The following HOATZ variants were observed in gnomAD, a reference collection of about 807,000 sequenced individuals.
HOATZ encodes the protein HOATZ cilia and flagella associated protein.
HOATZ carries 26 observed loss-of-function variants against 24.9 expected under a neutral mutation model. The observed-to-expected ratio is 1.04, with a 90% CI of 0.76 to 1.45. The LOEUF is 1.45. Among genes scored for constraint, HOATZ ranks in the 40% most tolerant of loss-of-function variants. HOATZ has a pLI of 0.00. For synonymous variants in HOATZ, 83 were observed against 76.6 expected (o/e 1.08, Z -0.43); for missense variants, 226 against 201.5 (o/e 1.12, Z -0.74).
At position 111,517,088 on chromosome 11, in the gene HOATZ, G is replaced by T. The variant is rs117112808; in HGVS notation, c.339+978G>T. On this transcript the variant is annotated intron_variant, in intron 3 of 5. Coordinates refer to ENST00000375618, the MANE Select transcript of HOATZ (RefSeq NM_001100388.2). ...ATTGGCAAACTCTGACAGACTTATC[G>T]GGAATTCTACATAAATTACAAAACA... Among the ~76,000 whole-genome samples, 38 of 152,250 alleles carry T rather than the reference G, an allele frequency of 2.5e-4. 1 individual carries two copies. The East Asian group carries it at 7.1e-3, about 29-fold the overall frequency.
intron 3 of HOATZ, chr11:111,524,795 A>T: frequency 2.5e-6 from 1 of 397,096 alleles, no homozygotes; most frequent in Non-Finnish European, 4.9e-6. Context: ...CAATTTACAA[A>T]CAGTTGATTT....
At chr11:111,517,811 C>G (rs543598194) in intron 3 of HOATZ, among the ~76,000 whole-genome samples, 1 of 152,292 alleles carries the variant, frequency 6.6e-6, no homozygotes, top group Admixed American at 6.5e-5. Flanking sequence ...AAAGAATATG[C>G]AAAGCAATCC....
intron 3 of HOATZ, among the ~76,000 whole-genome samples, chr11:111,525,449 T>C (rs1025653890): frequency 1.3e-5 from 2 of 152,180 alleles, no homozygotes; most frequent in Non-Finnish European, 2.9e-5. Flanking sequence ...AGTCTGTATG[T>C]GTGAGGTTGG....
intron 4 of HOATZ, 45 bp from the exon 5 acceptor site, chr11:111,534,367 G>A: frequency 7.1e-7 from 1 of 1,407,140 alleles, no homozygotes. Flanking sequence ...ATCAGTGCAA[G>A]AAGTAAAATT....
chr11:111,527,677 T>A (rs144713863), intron 3 of HOATZ, among the ~76,000 whole-genome samples: 1 of 152,348 alleles, frequency 6.6e-6, no homozygotes, highest in Non-Finnish European at 1.5e-5. Flanking sequence ...TTAGAGTAGA[T>A]ATAAATTTCC....
intron 3 of HOATZ, chr11:111,519,267 C>T: frequency 5.2e-6 from 1 of 192,674 alleles, no homozygotes; most frequent in Non-Finnish European, 1.1e-5. Flanking sequence ...ATTTGCTTAA[C>T]CTAGTGCCTT....
intron 4 of HOATZ, 135 bp downstream of exon 4, chr11:111,533,940 C>A: frequency 1.8e-6 from 1 of 560,096 alleles, no homozygotes; most frequent in Non-Finnish European, 3.0e-6. Context: ...CAGAGTGGGG[C>A]AAGGTATAGA....
chr11:111,516,804 A>G (rs1213517986), intron 3 of HOATZ, among the ~76,000 whole-genome samples: 1 of 152,246 alleles, frequency 6.6e-6, no homozygotes, highest in Non-Finnish European at 1.5e-5. Flanking sequence ...TGAGTCTGTC[A>G]TCTAGACCTG....
chr11:111,521,506 A>G (rs1405811083), intron 3 of HOATZ, among the ~76,000 whole-genome samples: 1 of 152,184 alleles, frequency 6.6e-6, no homozygotes, highest in Non-Finnish European at 1.5e-5. Flanking sequence ...AAAATTTCCC[A>G]GTAAGTGTTA....
chr11:111,515,544 C>T lies in HOATZ; in HGVS notation c.260C>T (p.Ala87Val), dbSNP rs529187598. ...NSHSSQSFHL[A>V]SNKNRDIFAE... ...CACTCCTCGCAGTCTTTTCACCTTG[C>T]GAGTAACAGTAAGTACCAAGTTTTA... is the stretch of plus-strand genomic sequence containing the variant. The change falls in exon 2 of 6, where the codon GCG (alanine) becomes GTG (valine). Residue 87 changes from alanine (A) to valine (V), a missense_variant. Coordinates refer to ENST00000375618, the MANE Select transcript of HOATZ (RefSeq NM_001100388.2). The T allele has an allele frequency of 2.4e-5, 38 of 1,612,750 alleles. No individual in the cohort carries two copies. The highest frequency in any genetic ancestry group is 2.7e-5 in the Non-Finnish European group (32 of 1,178,852).
intron 3 of HOATZ, chr11:111,524,766 C>A: frequency 5.3e-6 from 2 of 376,058 alleles, no homozygotes; most frequent in South Asian, 4.1e-5. Context: ...TTGGCCAGGT[C>A]AAAAAAATAT....
chr11:111,529,425 G>A (rs1867372453), intron 3 of HOATZ, among the ~76,000 whole-genome samples: 1 of 152,016 alleles, frequency 6.6e-6, no homozygotes, highest in South Asian at 2.1e-4. Context: ...GTGCAGTGGT[G>A]CAATCTCGGC....
intron 3 of HOATZ, among the ~76,000 whole-genome samples, chr11:111,528,073 T>C (rs1010776634): frequency 6.6e-6 from 1 of 152,040 alleles, no homozygotes; most frequent in African/African-American, 2.4e-5. Flanking sequence ...ATCCCAGCAC[T>C]TCAGGAGGCT....
At chr11:111,516,594 G>A (rs1414980344) in intron 3 of HOATZ, among the ~76,000 whole-genome samples, 4 of 151,978 alleles carry the variant, frequency 2.6e-5, no homozygotes, top group Admixed American at 6.6e-5. Flanking sequence ...GTGCATACCT[G>A]TAGTCTGAGC....
chr11:111,535,445 A>G (rs1484409058), intron 5 of HOATZ: 1 of 152,226 alleles, frequency 6.6e-6, no homozygotes, highest in African/African-American at 2.4e-5. Flanking sequence ...TGGGTGCCTT[A>G]GATTTCCGCA....
intron 3 of HOATZ, among the ~76,000 whole-genome samples, chr11:111,520,973 AAC>A (rs1418932493): frequency 2.6e-5 from 4 of 152,234 alleles, no homozygotes; most frequent in African/African-American, 9.6e-5. Context: ...TATAAGGGAA[AAC>A]ACAGTATATC....
chr11:111,522,776 T>C (rs568769136), intron 3 of HOATZ, among the ~76,000 whole-genome samples: 5 of 151,998 alleles, frequency 3.3e-5, no homozygotes, highest in African/African-American at 1.2e-4. Context: ...CCAAAATCAA[T>C]ATCCGTAGCA....
chr11:111,515,932 C>A, intron 2 of HOATZ, 108 bp from the exon 3 acceptor site: 2 of 708,258 alleles, frequency 2.8e-6, no homozygotes, highest in Non-Finnish European at 4.6e-6. Flanking sequence ...TTTTGTTTAC[C>A]TTCCTACTCT....
intron 5 of HOATZ, 32 bp from the exon 6 acceptor site, chr11:111,536,738 G>GT: frequency 6.4e-7 from 1 of 1,550,722 alleles, no homozygotes; most frequent in Non-Finnish European, 8.9e-7. Context: ...GGAGTTCTGT[G>GT]TATTGGAACT....
Sources: allele counts gnomAD v4.1 joint callset (sites outside exome capture counted in the v4.1 genomes callset), GRCh38; gene constraint gnomAD v4.1.1; transcripts MANE v1.5; gene names NCBI Gene and HGNC (gene_info 2026-07-23, HGNC 2026-07-21).